The following MIR2052HG variants were observed in gnomAD, a reference collection of about 807,000 sequenced individuals.
The protein encoded by MIR2052HG is MIR2052 host gene.
rs185750430 is a variant in MIR2052HG at position 74,656,042 on chromosome 8, G to A, written n.216+43102G>A. Among the ~76,000 whole-genome samples the A allele has an allele frequency of 1.2e-4, 19 of 152,192 alleles. No homozygotes were observed. In the East Asian group the frequency reaches 1.7e-3, roughly 14 times the overall value. ...CTACCCCACTGGATTTTGAACTTGCGTGGGCCCTGTAACCCCTTTGTTTTG... is the reference window on the plus strand; with the variant it reads ...CTACCCCACTGGATTTTGAACTTGCATGGGCCCTGTAACCCCTTTGTTTTG... On this transcript the variant is annotated intron_variant and non_coding_transcript_variant, in intron 2 of 6. Coordinates refer to ENST00000523442, the Ensembl canonical transcript of MIR2052HG.
At chr8:74,662,088 G>A (rs1465111718) in intron 2 of MIR2052HG, among the ~76,000 whole-genome samples, 1 of 152,076 alleles carries the variant, frequency 6.6e-6, no homozygotes, top group African/African-American at 2.4e-5. Flanking sequence ...AAGAAAAACA[G>A]GCCACTTTCT....
At chr8:74,670,071 T>G (rs538597496) in intron 2 of MIR2052HG, among the ~76,000 whole-genome samples, 1 of 152,330 alleles carries the variant, frequency 6.6e-6, no homozygotes, top group South Asian at 2.1e-4. Context: ...AAGGCTGCTG[T>G]CTGCAAGCCA....
At chr8:74,713,220 A>G (rs1202715130) in intron 4 of MIR2052HG, among the ~76,000 whole-genome samples, 1 of 152,188 alleles carries the variant, frequency 6.6e-6, no homozygotes, top group Admixed American at 6.5e-5. Flanking sequence ...TTATAATTTG[A>G]AATGCAAAGC....
At chr8:74,719,533 G>A (rs1297132290) in intron 4 of MIR2052HG, among the ~76,000 whole-genome samples, 1 of 152,060 alleles carries the variant, frequency 6.6e-6, no homozygotes, top group Non-Finnish European at 1.5e-5. Flanking sequence ...TTTTCCTTCT[G>A]ACTGGTATCA....
At chr8:74,620,924 T>G (rs1380415918) in intron 2 of MIR2052HG, among the ~76,000 whole-genome samples, 6 of 152,244 alleles carry the variant, frequency 3.9e-5, no homozygotes, top group Admixed American at 3.9e-4. Context: ...ACTTTTATGC[T>G]CTGCTTTCTC....
At chr8:74,747,808 G>A (rs947906788) in intron 4 of MIR2052HG, among the ~76,000 whole-genome samples, 3 of 152,122 alleles carry the variant, frequency 2.0e-5, no homozygotes, top group Admixed American at 6.6e-5. Flanking sequence ...ATTCCATTTA[G>A]TTCTATGTCC....
At chr8:74,745,995 C>G (rs1453861023) in intron 4 of MIR2052HG, among the ~76,000 whole-genome samples, 1 of 152,128 alleles carries the variant, frequency 6.6e-6, no homozygotes, top group African/African-American at 2.4e-5. Context: ...TTTACTTGCT[C>G]AAGGTCACAC....
chr8:74,709,643 T>C (rs113896169), intron 4 of MIR2052HG, among the ~76,000 whole-genome samples: 29 of 152,300 alleles, frequency 1.9e-4, no homozygotes, highest in African/African-American at 6.7e-4. Flanking sequence ...ATTTTATTGC[T>C]TAACCCAATT....
intron 2 of MIR2052HG, among the ~76,000 whole-genome samples, chr8:74,665,300 C>T (rs1222525750): frequency 2.6e-5 from 4 of 152,312 alleles, no homozygotes; most frequent in East Asian, 1.9e-4. Flanking sequence ...GAACTCGCAT[C>T]GATATGCTTG....
chr8:74,749,652 C>T (rs1388652289), intron 4 of MIR2052HG, among the ~76,000 whole-genome samples: 1 of 151,918 alleles, frequency 6.6e-6, no homozygotes, highest in African/African-American at 2.4e-5. Context: ...AGCACGAGAC[C>T]AGCCTGACCA....
chr8:74,688,903 C>A (rs1809211521), intron 2 of MIR2052HG, among the ~76,000 whole-genome samples: 1 of 152,072 alleles, frequency 6.6e-6, no homozygotes, highest in South Asian at 2.1e-4. Context: ...TGAGTGAGAA[C>A]ATAAGATGTT....
At chr8:74,737,816 A>T (rs974877422) in intron 4 of MIR2052HG, among the ~76,000 whole-genome samples, 1 of 152,156 alleles carries the variant, frequency 6.6e-6, no homozygotes, top group African/African-American at 2.4e-5. Context: ...TTACATACAT[A>T]GTTTTTCTAC....
intron 2 of MIR2052HG, among the ~76,000 whole-genome samples, chr8:74,639,642 A>G (rs72667580): frequency 0.027 from 4,104 of 152,260 alleles, 108 homozygotes; most frequent in Admixed American, 0.069. Context: ...CATGATATAT[A>G]TGAAACTCCT....
At chr8:74,751,372 A>T (rs576516700) in intron 4 of MIR2052HG, among the ~76,000 whole-genome samples, 1 of 152,358 alleles carries the variant, frequency 6.6e-6, no homozygotes, top group Non-Finnish European at 1.5e-5. Flanking sequence ...GGAAAGCCTT[A>T]AAAGAAAATA....
At chr8:74,657,589 G>A (rs926719994) in intron 2 of MIR2052HG, among the ~76,000 whole-genome samples, 1 of 152,000 alleles carries the variant, frequency 6.6e-6, no homozygotes, top group Non-Finnish European at 1.5e-5. Context: ...ACAAACCAAA[G>A]AGGTTTGATG....
intron 2 of MIR2052HG, among the ~76,000 whole-genome samples, chr8:74,663,721 G>A (rs1808891157): frequency 6.6e-6 from 1 of 152,168 alleles, no homozygotes; most frequent in Non-Finnish European, 1.5e-5. Context: ...CTTATCTAAT[G>A]TATTCAGTGT....
chr8:74,600,707 C>G (rs1455620210), intron 1 of MIR2052HG, among the ~76,000 whole-genome samples: 1 of 152,002 alleles, frequency 6.6e-6, no homozygotes, highest in Non-Finnish European at 1.5e-5. Context: ...TCCCAAGTAG[C>G]TGGGATTACA....
intron 2 of MIR2052HG, among the ~76,000 whole-genome samples, chr8:74,658,905 C>A (rs796391229): frequency 2.0e-4 from 30 of 152,234 alleles, no homozygotes; most frequent in African/African-American, 7.0e-4. Context: ...AGAATATGGG[C>A]TTTTACTCAT....
intron 2 of MIR2052HG, among the ~76,000 whole-genome samples, chr8:74,641,690 T>C (rs1808640634): frequency 6.6e-6 from 1 of 152,174 alleles, no homozygotes; most frequent in Non-Finnish European, 1.5e-5. Context: ...CAAGCTGATG[T>C]AATACATTTG....
Sources: allele counts gnomAD v4.1 joint callset (sites outside exome capture counted in the v4.1 genomes callset), GRCh38; gene constraint gnomAD v4.1.1; transcripts MANE v1.5; gene names NCBI Gene and HGNC (gene_info 2026-07-23, HGNC 2026-07-21).